Variants in CACNA1A observed in about 807,000 individuals in gnomAD.
CACNA1A encodes the protein voltage-dependent P/Q-type calcium channel subunit alpha-1A.
CACNA1A carries 57 observed loss-of-function variants against 262.4 expected under a neutral mutation model. The ratio of observed to expected loss-of-function variants is 0.22; its 90% CI spans 0.18 to 0.27. The LOEUF (loss-of-function observed/expected upper bound fraction) is 0.27. Among genes scored for constraint, CACNA1A ranks in the 10% least tolerant of loss-of-function variants. CACNA1A has a pLI of 1.00. For synonymous variants in CACNA1A, 1,431 were observed against 1,419.3 expected (o/e 1.01, Z -0.18); for missense variants, 2,526 against 3,562.8 (o/e 0.71, Z 7.41).
intron 3 of CACNA1A, among the ~76,000 whole-genome samples, chr19:13,414,578 G>A (rs1227449775): frequency 6.6e-6 from 1 of 152,140 alleles, no homozygotes; most frequent in Non-Finnish European, 1.5e-5. Context: ...CTGGGAAGGG[G>A]TAATTAAAAA....
intron 1 of CACNA1A, among the ~76,000 whole-genome samples, chr19:13,499,438 C>T (rs1404441129): frequency 2.4e-5 from 1 of 41,800 alleles, no homozygotes; most frequent in Non-Finnish European, 4.3e-5. Context: ...ACTGACCAGT[C>T]GCAGGGGGTG....
intron 3 of CACNA1A, among the ~76,000 whole-genome samples, chr19:13,376,716 CAT>C (rs906982666): frequency 9.8e-4 from 145 of 147,274 alleles, no homozygotes; most frequent in Admixed American, 2.7e-3. Context: ...ATACACTACA[CAT>C]AATATATGTT....
intron 3 of CACNA1A, among the ~76,000 whole-genome samples, chr19:13,379,237 T>C (rs1175201942): frequency 6.6e-6 from 1 of 152,128 alleles, no homozygotes; most frequent in East Asian, 1.9e-4. Context: ...TGCCTTGGCC[T>C]CCCAAAGTGT....
At chr19:13,327,137 T>C (rs2058377050) in intron 10 of CACNA1A, among the ~76,000 whole-genome samples, 1 of 152,026 alleles carries the variant, frequency 6.6e-6, no homozygotes, top group African/African-American at 2.4e-5. Context: ...CACCTCAGCT[T>C]CCCAAAATGT....
intron 22 of CACNA1A, among the ~76,000 whole-genome samples, chr19:13,278,439 T>G (rs1315475973): frequency 6.6e-6 from 1 of 152,188 alleles, no homozygotes; most frequent in African/African-American, 2.4e-5. Context: ...TTTCTCCTCC[T>G]TTATGACTTA....
chr19:13,410,747 A>G (rs1032354616), intron 3 of CACNA1A, among the ~76,000 whole-genome samples: 3 of 151,876 alleles, frequency 2.0e-5, no homozygotes, highest in Admixed American at 6.6e-5. Flanking sequence ...ACTACATCCA[A>G]TGGTTGATTC....
At position 13,336,598 on chromosome 19, in the gene CACNA1A, A is replaced by AGG. The variant is rs1555768118; in HGVS notation, c.979-690_979-689insCC. On this transcript the variant is annotated intron_variant, in intron 6 of 46. Coordinates refer to ENST00000360228, the MANE Select transcript of CACNA1A (RefSeq NM_001127222.2). ...AAGAGAGACAGAGAGAGAGAGGGAG[A>AGG]GAGAGAGAGAGAGAGAGAGAGAGAG... is the stretch of plus-strand genomic sequence containing the variant. Among the ~76,000 whole-genome samples the AGG allele has an allele frequency of 1.6e-3, 168 of 102,366 alleles. 1 individual carries two copies. The highest frequency in any genetic ancestry group is 6.5e-3 in the African/African-American group (162 of 24,760). The allele number at this position is 102,366 out of a possible 152,430, so 67.2% of individuals were successfully genotyped here.
intron 6 of CACNA1A, among the ~76,000 whole-genome samples, chr19:13,354,092 T>C (rs2058962809): frequency 6.6e-6 from 1 of 152,204 alleles, no homozygotes; most frequent in African/African-American, 2.4e-5. Context: ...TGGCACACAG[T>C]AGGTGCTCAA....
intron 19 of CACNA1A, 119 bp downstream of exon 19, chr19:13,298,425 G>A (rs1015717281): frequency 4.4e-5 from 45 of 1,012,124 alleles, no homozygotes; most frequent in Non-Finnish European, 5.6e-5. Context: ...CACTGCGCCT[G>A]GCCAAATACA....
At position 13,277,056 on chromosome 19, in the gene CACNA1A, A is replaced by G. The variant is rs779233415; in HGVS notation, c.3882+13T>C. ...AAAATTACCGTGTGTTCTCACTTAT[A>G]ATCTGCACTCACCTTGATCACCATC... On this transcript the variant is annotated intron_variant, in intron 23 of 46. Transcript: ENST00000360228. 7.2e-5 allele frequency: 115 copies of G among 1,596,546 alleles called. No individual in the cohort carries two copies. In the South Asian group the frequency reaches 1.2e-3, roughly 16 times the overall value.
At chr19:13,401,672 T>A (rs1363294934) in intron 3 of CACNA1A, among the ~76,000 whole-genome samples, 1 of 152,080 alleles carries the variant, frequency 6.6e-6, no homozygotes, top group Non-Finnish European at 1.5e-5. Context: ...CCACTTTCCC[T>A]TTTCCCCAGC....
intron 30 of CACNA1A, 116 bp downstream of exon 30, chr19:13,252,875 A>G: frequency 1.6e-6 from 1 of 629,044 alleles, no homozygotes; most frequent in Non-Finnish European, 2.8e-6. Context: ...AGGATACTGA[A>G]GCCACCCTTG....
At chr19:13,439,602 G>A (rs867694379) in intron 3 of CACNA1A, among the ~76,000 whole-genome samples, 11 of 150,848 alleles carry the variant, frequency 7.3e-5, no homozygotes, top group African/African-American at 1.7e-4. Flanking sequence ...TAGTAGAGAC[G>A]GGGTTTCACC....
At chr19:13,403,915 C>T (rs1354127476) in intron 3 of CACNA1A, among the ~76,000 whole-genome samples, 1 of 152,012 alleles carries the variant, frequency 6.6e-6, no homozygotes, top group Non-Finnish European at 1.5e-5. Context: ...CGTGGTCATG[C>T]CACTGCTCTC....
rs61178346 is a variant in CACNA1A at position 13,212,827 on chromosome 19, T to TACACACACACACACAC, written c.5941-103_5941-88dup. 30 of 518,326 alleles carry TACACACACACACACAC rather than the reference T, an allele frequency of 5.8e-5. No homozygotes were observed. The highest frequency in any genetic ancestry group is 3.6e-4 in the African/African-American group (18 of 49,948). 32.1% of individuals were successfully genotyped at this position (518,326 alleles called of 1,614,324 possible). On this transcript the variant is annotated intron_variant, in intron 40 of 46. Transcript: ENST00000360228. This position sits in a 1 kb window ranked among gnomAD's most constrained non-coding sequence, Gnocchi z 5.6. ...AGAAGGCATTGCGACATCCCCAGTA[T>TACACACACACACACAC]ACACACACACACACACACACACTCT...
At position 13,207,632 on chromosome 19, in the gene CACNA1A, G is replaced by A. The variant is rs2054615084; in HGVS notation, c.7202C>T (p.Pro2401Leu). 1.4e-6 allele frequency: 2 copies of A among 1,478,386 alleles called. No homozygotes were observed. Among genetic ancestry groups the A allele is most frequent in the South Asian group, 1.3e-5 (1 of 78,876 alleles). 91.6% of individuals were successfully genotyped at this position (1,478,386 alleles called of 1,614,324 possible). The change falls in exon 47 of 47, where the codon CCC (proline) becomes CTC (leucine). Residue 2401 changes from proline to leucine, a missense_variant. Coordinates refer to ENST00000360228, the MANE Select transcript of CACNA1A (RefSeq NM_001127222.2). The surrounding 1 kb of genome is among the most constrained non-coding windows in gnomAD (Gnocchi z 5.7). ...GTAGCCATGGTGCCGGGGACCCGGG[G>A]GCCCCTCGGACACGTGCGGGCCAGA... ...PASGPHVSEG[P>L]PGPRHHGYYR...
Position 13,358,472 on chromosome 19 carries a change from T to C in CACNA1A, c.978+1134A>G, listed in dbSNP as rs557846663. 3.3e-5 allele frequency among the ~76,000 whole-genome samples: 5 copies of C among 152,290 alleles called. No individual in the cohort carries two copies. In the South Asian group the frequency reaches 1.0e-3, roughly 32 times the overall value. Reference sequence around the variant, plus strand: ...CCATGTCCTGCAGTGGAAAGATCTCTAGAACGTGTGGTTATGAGAAAACAA... The same window carrying C: ...CCATGTCCTGCAGTGGAAAGATCTCCAGAACGTGTGGTTATGAGAAAACAA... On this transcript the variant is annotated intron_variant, in intron 6 of 46. Coordinates refer to ENST00000360228, the MANE Select transcript of CACNA1A (RefSeq NM_001127222.2).
At chr19:13,328,024 A>G (rs1178421397) in intron 10 of CACNA1A, among the ~76,000 whole-genome samples, 1 of 152,134 alleles carries the variant, frequency 6.6e-6, no homozygotes, top group Non-Finnish European at 1.5e-5. Flanking sequence ...TTAGCTTCCT[A>G]AATAGATGGG....
At chr19:13,344,877 C>A (rs1035481798) in intron 6 of CACNA1A, among the ~76,000 whole-genome samples, 4 of 152,030 alleles carry the variant, frequency 2.6e-5, no homozygotes, top group African/African-American at 9.7e-5. Flanking sequence ...GCCTCGGCCT[C>A]CCAAGTAGCT....
Sources: allele counts gnomAD v4.1 joint callset (sites outside exome capture counted in the v4.1 genomes callset), GRCh38; gene constraint gnomAD v4.1.1; non-coding constraint Gnocchi (gnomAD v3.1); transcripts MANE v1.5; gene names NCBI Gene and HGNC (gene_info 2026-07-23, HGNC 2026-07-21).